Variants in FAT1 observed in about 807,000 individuals in gnomAD.
FAT1 encodes the protein protocadherin Fat 1.
FAT1 carries 171 observed loss-of-function variants against 329.8 expected under a neutral mutation model. The observed-to-expected ratio is 0.52, with a 90% CI of 0.46 to 0.59. FAT1 has a LOEUF of 0.59. Among genes scored for constraint, FAT1 ranks in the 20% least tolerant of loss-of-function variants. FAT1 has a pLI of 0.00. For synonymous variants in FAT1, 2,233 were observed against 2,228.6 expected (o/e 1.00, Z -0.06); for missense variants, 5,672 against 5,774.4 (o/e 0.98, Z 0.57).
chr4:186,654,920 A>C (rs1385177138), intron 3 of FAT1, among the ~76,000 whole-genome samples: 2 of 151,912 alleles, frequency 1.3e-5, no homozygotes, highest in African/African-American at 4.8e-5. Flanking sequence ...AAAAACAAAA[A>C]AAAAAACAAA....
chr4:186,627,235 A>AGAAT lies in FAT1; in HGVS notation c.4810+915_4810+918dup, dbSNP rs1177433360. On this transcript the variant is annotated intron_variant, in intron 9 of 26. Coordinates refer to ENST00000441802, the MANE Select transcript of FAT1 (RefSeq NM_005245.4). ...CATAAAGTGAGCTTCACCAGCCCAC[A>AGAAT]GAATGAATGAATGAATGAATGAATG... 3.1e-3 allele frequency among the ~76,000 whole-genome samples: 400 copies of AGAAT among 128,056 alleles called. 2 individuals carry two copies. Among genetic ancestry groups the AGAAT allele is most frequent in the South Asian group, 7.3e-3 (25 of 3,434 alleles). The allele number at this position is 128,056 out of a possible 152,430, so 84.0% of individuals were successfully genotyped here. A position where few individuals can be genotyped will look rare whatever the true frequency, so the allele number is the denominator to read the frequency against.
intron 1 of FAT1, among the ~76,000 whole-genome samples, chr4:186,714,686 G>A (rs575466311): frequency 6.6e-6 from 1 of 152,292 alleles, no homozygotes; most frequent in African/African-American, 2.4e-5. Context: ...GGAGGAAAGG[G>A]AACCACAGCA....
chr4:186,619,468 T>C lies in FAT1; in HGVS notation c.7118A>G (p.Asp2373Gly), dbSNP rs142890707. The C allele has an allele frequency of 8.4e-5, 135 of 1,613,994 alleles. 1 individual carries two copies. The African/African-American group carries it at 1.7e-3, about 20-fold the overall frequency. ...GGTAACGTCCACCGTGACAATCACA[T>C]CACTGCTCAGCGTGGGCATACCACC... ...VDGGMPTLSSDVIVTVDVTDL... is the reference protein window; with the variant it reads ...VDGGMPTLSSGVIVTVDVTDL... Residue 2373 changes from aspartate to glycine, a missense_variant, in exon 10 of 27, where the codon GAT (aspartate) becomes GGT (glycine). Around this residue, in one of 2 missense-constraint regions of FAT1, gnomAD observed 3,966 missense variants for 3,915.2 expected, o/e 1.01. Transcript: ENST00000441802.
intron 2 of FAT1, among the ~76,000 whole-genome samples, chr4:186,700,008 C>CA (rs1451643998): frequency 6.6e-6 from 1 of 152,110 alleles, no homozygotes; most frequent in Non-Finnish European, 1.5e-5. Flanking sequence ...ATCCTTAGGA[C>CA]AAAAAACAGT....
chr4:186,635,111 A>G (rs534247259), intron 6 of FAT1, among the ~76,000 whole-genome samples: 1 of 152,216 alleles, frequency 6.6e-6, no homozygotes, highest in Non-Finnish European at 1.5e-5. Flanking sequence ...ATTTAGCATG[A>G]AAGTTCCAAA....
intron 1 of FAT1, among the ~76,000 whole-genome samples, chr4:186,714,529 T>C (rs1745118439): frequency 6.6e-6 from 1 of 151,708 alleles, no homozygotes; most frequent in Non-Finnish European, 1.5e-5. Flanking sequence ...GTTGTCTAAA[T>C]ATGAAAGACG....
chr4:186,636,719 C>A lies in FAT1; in HGVS notation c.3838G>T (p.Asp1280Tyr). ...PLYHVIATDKDEGPNAEISYS... is the reference protein window; with the variant it reads ...PLYHVIATDKYEGPNAEISYS... ...GAGATTTCTGCATTGGGGCCCTCAT[C>A]CTTGTCGGTGGCTATGACGTGATAG... Residue 1280 changes from aspartate to tyrosine, a missense_variant, in exon 5 of 27, where the codon GAT (aspartate) becomes TAT (tyrosine). Asp to Tyr is a radical substitution (Grantham distance 160). Coordinates refer to ENST00000441802, the MANE Select transcript of FAT1 (RefSeq NM_005245.4). The A allele has an allele frequency of 6.2e-7, 1 of 1,613,858 alleles. No individual in the cohort carries two copies. Among genetic ancestry groups the A allele is most frequent in the Non-Finnish European group, 8.5e-7 (1 of 1,179,860 alleles).
At chr4:186,634,466 G>A (rs777874626) in intron 6 of FAT1, among the ~76,000 whole-genome samples, 87 of 152,260 alleles carry the variant, frequency 5.7e-4, no homozygotes, top group Non-Finnish European at 1.1e-3. Flanking sequence ...GAGGTTTAAT[G>A]TCATGATGAA....
chr4:186,648,795 A>G (rs889326096), intron 3 of FAT1, among the ~76,000 whole-genome samples: 1 of 152,104 alleles, frequency 6.6e-6, no homozygotes, highest in Non-Finnish European at 1.5e-5. Flanking sequence ...GAGCCACCAA[A>G]TCACACTCTC....
At chr4:186,684,535 G>A (rs327112) in intron 2 of FAT1, among the ~76,000 whole-genome samples, 152,304 of 152,306 alleles carry the variant, frequency 1, 76,151 homozygotes, top group Middle Eastern at 1. Context: ...CGCTCGGCCC[G>A]TTTTCAACAG....
intron 17 of FAT1, among the ~76,000 whole-genome samples, chr4:186,604,957 G>GC (rs1358538222): frequency 6.6e-6 from 1 of 151,962 alleles, no homozygotes; most frequent in Admixed American, 6.5e-5. Flanking sequence ...GGTGGCTCAC[G>GC]CCTGTCATCC....
rs541380876 is a variant in FAT1 at position 186,719,199 on chromosome 4, T to TC, written c.-19+4464dup. 1.1e-3 allele frequency among the ~76,000 whole-genome samples: 162 copies of TC among 151,974 alleles called. 1 individual carries two copies. The highest frequency in any genetic ancestry group is 0.01 in the Middle Eastern group (3 of 294). ...CTACTCTGCCTCAAATCATGAAGGA[T>TC]CAGTGCACCAAATCTGCAATTTCAG... On this transcript the variant is annotated intron_variant, in intron 1 of 26. Coordinates refer to ENST00000441802, the MANE Select transcript of FAT1 (RefSeq NM_005245.4).
At position 186,668,538 on chromosome 4, in the gene FAT1, G is replaced by A. The variant is rs1193257988; in HGVS notation, c.3266-4925C>T. Among the ~76,000 whole-genome samples, 4 of 152,130 alleles carry A rather than the reference G, an allele frequency of 2.6e-5. No individual in the cohort carries two copies. In the East Asian group the frequency reaches 7.7e-4, roughly 29 times the overall value. The stretch of plus-strand genomic sequence containing the variant: ...AGAGTGAAGGACTTCCTTAATCAGG[G>A]GTTCATCACGATCCAAACCATTCTT... On this transcript the variant is annotated intron_variant, in intron 2 of 26. Coordinates refer to ENST00000441802, the MANE Select transcript of FAT1 (RefSeq NM_005245.4).
At position 186,706,780 on chromosome 4, in the gene FAT1, G is replaced by C. The variant is rs1163765729; in HGVS notation, c.3048C>G (p.Cys1016Trp). The C allele has an allele frequency of 5.0e-6, 8 of 1,613,860 alleles. No individual in the cohort carries two copies. The highest frequency in any genetic ancestry group is 6.8e-6 in the Non-Finnish European group (8 of 1,179,894). ...CATCAACCACCTCAACTTCAACATA[G>C]CAAGTAGAAGACAGAGAAACTGGCT... ...KGKPVSLSST[C>W]YVEVEVVDVN... The change falls in exon 2 of 27, where the codon TGC (cysteine) becomes TGG (tryptophan). Residue 1016 changes from cysteine (C) to tryptophan (W), a missense_variant. Coordinates refer to ENST00000441802, the MANE Select transcript of FAT1 (RefSeq NM_005245.4).
At position 186,620,820 on chromosome 4, in the gene FAT1, G is replaced by A. The variant is rs1321199122; in HGVS notation, c.5766C>T (p.Asn1922=). The A allele has an allele frequency of 6.2e-7, 1 of 1,613,926 alleles. No individual in the cohort carries two copies. The highest frequency in any genetic ancestry group is 8.5e-7 in the Non-Finnish European group (1 of 1,179,914). ...SQLIYSITEG[N]IGEKFSMDYK... ...AGTCCATAGAAAACTTCTCCCCGAT[G>A]TTGCCTTCGGTGATGGAGTAAATCA... The change falls in exon 10 of 27, where the codon AAC becomes AAT. Residue 1922 remains asparagine, a synonymous_variant. Transcript: ENST00000441802.
At chr4:186,601,153 TG>T in intron 21 of FAT1, 115 bp downstream of exon 21, 2 of 945,038 alleles carry the variant, frequency 2.1e-6, no homozygotes, top group Non-Finnish European at 3.0e-6. Flanking sequence ...TATTTAAATG[TG>T]GAATTCAACC....
intron 2 of FAT1, among the ~76,000 whole-genome samples, chr4:186,692,353 C>T (rs1018932868): frequency 6.6e-6 from 1 of 151,816 alleles, no homozygotes; most frequent in Non-Finnish European, 1.5e-5. Flanking sequence ...CGCTCTGTCG[C>T]CCAGGCTGGA....
intron 2 of FAT1, among the ~76,000 whole-genome samples, chr4:186,699,427 C>T (rs145182879): frequency 2.4e-4 from 37 of 152,232 alleles, no homozygotes; most frequent in Non-Finnish European, 4.6e-4. Flanking sequence ...ATCAGATATT[C>T]GAGGAGATAT....
chr4:186,653,099 T>A (rs896279791), intron 3 of FAT1, among the ~76,000 whole-genome samples: 5 of 152,138 alleles, frequency 3.3e-5, no homozygotes, highest in African/African-American at 1.2e-4. Context: ...AATTTGAGTA[T>A]AACATGTCGA....
Sources: allele counts gnomAD v4.1 joint callset (sites outside exome capture counted in the v4.1 genomes callset), GRCh38; gene constraint gnomAD v4.1.1; regional missense constraint gnomAD v4.1.1; transcripts MANE v1.5; gene names NCBI Gene and HGNC (gene_info 2026-07-23, HGNC 2026-07-21).